TMEM156: variants seen among roughly 807,000 people sequenced by gnomAD.
The protein encoded by TMEM156 is transmembrane protein 156.
In TMEM156, 28 loss-of-function variants were observed where a neutral mutation model predicts 30.5. That is an observed-to-expected ratio of 0.92 (90% confidence interval 0.68 to 1.26). The LOEUF (loss-of-function observed/expected upper bound fraction) is 1.26. Ranked by LOEUF, TMEM156 falls within the 50% of genes most tolerant of loss-of-function variation. The probability of loss-of-function intolerance (pLI) is 0.00; values close to 1 mark genes in which losing one functional copy is unlikely to be tolerated. For synonymous variants in TMEM156, 137 were observed against 119.9 expected, an observed-to-expected ratio of 1.14 and a Z score of -0.93; for missense variants, 351 against 340.6, an observed-to-expected ratio of 1.03 and a Z score of -0.24.
Position 38,971,049 on chromosome 4 carries a change from C to G in TMEM156, c.*21G>C, listed in dbSNP as rs1248399798. On this transcript the variant is annotated 3_prime_UTR_variant, in exon 6 of 7. Transcript: ENST00000381938. ...TCACTCACCGTGTATATTGATCTCA[C>G]TGATGCACTGTGGAAGTAACTTATA... 5 of 1,609,684 alleles carry G rather than the reference C, an allele frequency of 3.1e-6. No homozygotes were observed. The highest frequency in any genetic ancestry group is 1.3e-5 in the African/African-American group (1 of 74,836).
At chr4:39,028,717 G>C (rs1461479869) in intron 1 of TMEM156, 1 of 152,170 alleles carries the variant, frequency 6.6e-6, no homozygotes, top group East Asian at 1.9e-4. Context: ...TCTTATTTGG[G>C]AGTAAGCTAG....
chr4:38,975,313 T>C (rs1722794378), intron 5 of TMEM156, among the ~76,000 whole-genome samples: 1 of 152,142 alleles, frequency 6.6e-6, no homozygotes, highest in Non-Finnish European at 1.5e-5. Flanking sequence ...TATGGGGCTA[T>C]GTCTGTCAGC....
At chr4:39,000,105 C>T (rs56276410) in intron 1 of TMEM156, among the ~76,000 whole-genome samples, 41,564 of 152,112 alleles carry the variant, frequency 0.27, 6,246 homozygotes, top group East Asian at 0.44. Context: ...AAAAGACAAA[C>T]ACTCTAGGCT....
At chr4:39,010,412 AC>A (rs1256934067) in intron 1 of TMEM156, among the ~76,000 whole-genome samples, 4 of 152,064 alleles carry the variant, frequency 2.6e-5, no homozygotes. Flanking sequence ...ATTCATATGA[AC>A]CACCCACCCA....
chr4:38,983,748 A>G (rs111921593), intron 5 of TMEM156, among the ~76,000 whole-genome samples: 1 of 152,168 alleles, frequency 6.6e-6, no homozygotes, highest in Non-Finnish European at 1.5e-5. Context: ...AAGACAGTCA[A>G]TGTTTTTTAT....
intron 1 of TMEM156, among the ~76,000 whole-genome samples, chr4:39,015,653 G>C (rs759732960): frequency 6.6e-6 from 1 of 152,170 alleles, no homozygotes; most frequent in Non-Finnish European, 1.5e-5. Flanking sequence ...CTAAGTTTAT[G>C]ATCATTTGTT....
At chr4:38,993,699 G>A (rs533083832) in intron 3 of TMEM156, 39 bp downstream of exon 3, 16 of 1,576,304 alleles carry the variant, frequency 1.0e-5, no homozygotes, top group African/African-American at 2.7e-5. Context: ...TATCTATATC[G>A]GATAACTCCT....
chr4:38,981,078 A>G (rs993960996), intron 5 of TMEM156: 3 of 282,880 alleles, frequency 1.1e-5, no homozygotes, highest in Non-Finnish European at 1.6e-5. Context: ...ATGAACCCAA[A>G]TCTGTATTTT....
chr4:38,987,511 A>G (rs1441042793), intron 4 of TMEM156, among the ~76,000 whole-genome samples: 2 of 152,238 alleles, frequency 1.3e-5, no homozygotes, highest in African/African-American at 4.8e-5. Context: ...ATACCTAGTC[A>G]AAAGAATGAA....
chr4:39,007,363 G>C (rs1713811812), intron 1 of TMEM156, among the ~76,000 whole-genome samples: 3 of 152,106 alleles, frequency 2.0e-5, no homozygotes, highest in Admixed American at 2.0e-4. Context: ...AAATCAGTTG[G>C]AGAAGAAAGA....
intron 1 of TMEM156, among the ~76,000 whole-genome samples, chr4:39,001,742 A>C (rs1323218144): frequency 6.7e-6 from 1 of 149,032 alleles, no homozygotes; most frequent in Non-Finnish European, 1.5e-5. Flanking sequence ...ATCTACAACT[A>C]TCTGATCTTT....
At chr4:39,030,039 T>C (rs1333618189) in intron 1 of TMEM156, among the ~76,000 whole-genome samples, 3 of 151,744 alleles carry the variant, frequency 2.0e-5, no homozygotes, top group East Asian at 1.9e-4. Flanking sequence ...CCAAGTAGGG[T>C]TCCTTTGAAA....
chr4:39,023,170 G>A (rs566493580), intron 1 of TMEM156, among the ~76,000 whole-genome samples: 2 of 152,146 alleles, frequency 1.3e-5, no homozygotes, highest in Non-Finnish European at 2.9e-5. Context: ...TCAGCATTCT[G>A]CAACCCAGAA....
chr4:39,013,629 T>C (rs534495328), intron 1 of TMEM156, among the ~76,000 whole-genome samples: 4 of 151,968 alleles, frequency 2.6e-5, no homozygotes, highest in Non-Finnish European at 5.9e-5. Flanking sequence ...CTCAATCTCC[T>C]GACCTCATGA....
chr4:38,979,451 T>C lies in TMEM156; in HGVS notation c.823+6885A>G, dbSNP rs148484338. Among the ~76,000 whole-genome samples, 456 of 152,304 alleles carry C rather than the reference T, an allele frequency of 3.0e-3. 1 individual carries two copies. Among genetic ancestry groups the C allele is most frequent in the African/African-American group, 0.01 (424 of 41,550 alleles). Reference sequence around the variant, plus strand: ...TAAGGATAAAATGAGATGAGAACTGTGAATTTTGATATATTATACTTGGGA... The same window carrying C: ...TAAGGATAAAATGAGATGAGAACTGCGAATTTTGATATATTATACTTGGGA... On this transcript the variant is annotated intron_variant, in intron 5 of 6. Transcript: ENST00000381938.
chr4:39,009,450 G>A (rs899024561), intron 1 of TMEM156, among the ~76,000 whole-genome samples: 1 of 151,756 alleles, frequency 6.6e-6, no homozygotes, highest in Non-Finnish European at 1.5e-5. Flanking sequence ...ACAAAAAAAG[G>A]AAACTATAGG....
Position 38,967,580 on chromosome 4 carries a change from A to G in TMEM156, c.*100T>C, listed in dbSNP as rs972077404. The G allele has an allele frequency of 6.6e-5, 10 of 152,220 alleles. No homozygotes were observed. The East Asian group carries it at 1.3e-3, about 20-fold the overall frequency. The allele number at this position is 152,220 out of a possible 1,614,324, so 9.4% of individuals were successfully genotyped here. On this transcript the variant is annotated 3_prime_UTR_variant, in exon 7 of 7. Coordinates refer to ENST00000381938, the MANE Select transcript of TMEM156 (RefSeq NM_024943.3). ...GACACAAACATTTTCCAGTCTACTC[A>G]TTCACAAAATAAACTTCTGAGTATT...
At chr4:38,987,617 A>T (rs1002586334) in intron 4 of TMEM156, among the ~76,000 whole-genome samples, 12 of 152,240 alleles carry the variant, frequency 7.9e-5, no homozygotes, top group African/African-American at 2.9e-4. Flanking sequence ...AGTCTTGGGA[A>T]ATCATACAAC....
chr4:38,987,558 T>C (rs892403126), intron 4 of TMEM156, among the ~76,000 whole-genome samples: 1 of 152,242 alleles, frequency 6.6e-6, no homozygotes, highest in African/African-American at 2.4e-5. Flanking sequence ...AACCACTTGT[T>C]CTGCCTACTG....
Sources: allele counts gnomAD v4.1 joint callset (sites outside exome capture counted in the v4.1 genomes callset), GRCh38; gene constraint gnomAD v4.1.1; transcripts MANE v1.5; gene names NCBI Gene and HGNC (gene_info 2026-07-23, HGNC 2026-07-21).